Variants in RGL1 observed in about 807,000 individuals in gnomAD.
RGL1 encodes the protein ral guanine nucleotide dissociation stimulator-like 1.
Under a neutral mutation model 95.2 loss-of-function variants are expected in RGL1, and 24 were observed. That is an observed-to-expected ratio of 0.25 (90% CI 0.18 to 0.35). RGL1 has a LOEUF of 0.35. RGL1 is among the 10% of genes least tolerant of loss of function. The pLI, the probability that RGL1 is intolerant of heterozygous loss-of-function variation, is 1.00. For missense variants in RGL1, 715 were observed against 936.3 expected (o/e 0.76, Z 3.08); for synonymous variants, 329 against 344.9 (o/e 0.95, Z 0.51).
chr1:183,740,214 G>A (rs1299197939), intron 1 of RGL1, among the ~76,000 whole-genome samples: 1 of 151,840 alleles, frequency 6.6e-6, no homozygotes, highest in East Asian at 1.9e-4. Context: ...ATTTCCTTGC[G>A]TGTATGTGTC....
At chr1:183,647,653 G>C (rs200723999) in intron 1 of RGL1, 2 of 1,559,428 alleles carry the variant, frequency 1.3e-6, no homozygotes, top group East Asian at 4.5e-5. Flanking sequence ...TTGGTAATTG[G>C]TTTCATGCTG....
intron 2 of RGL1, among the ~76,000 whole-genome samples, chr1:183,776,302 C>G (rs1433379420): frequency 6.6e-6 from 1 of 151,474 alleles, no homozygotes; most frequent in Non-Finnish European, 1.5e-5. Context: ...GCGCCCGCTA[C>G]CACGCCCGGC....
intron 2 of RGL1, among the ~76,000 whole-genome samples, chr1:183,776,916 G>T (rs1307934748): frequency 6.6e-6 from 1 of 152,202 alleles, no homozygotes; most frequent in Admixed American, 6.5e-5. Context: ...TTCAGTGCTT[G>T]AAGTCTGATG....
At chr1:183,828,379 G>C (rs1663019891) in intron 2 of RGL1, among the ~76,000 whole-genome samples, 1 of 152,278 alleles carries the variant, frequency 6.6e-6, no homozygotes, top group African/African-American at 2.4e-5. Flanking sequence ...CTGAGTTTGT[G>C]ATTTATTTAC....
At chr1:183,883,193 G>T (rs1553301352) in intron 5 of RGL1, among the ~76,000 whole-genome samples, 1 of 152,188 alleles carries the variant, frequency 6.6e-6, no homozygotes, top group Non-Finnish European at 1.5e-5. Context: ...GCTAATTGAT[G>T]ATCTTGGCTG....
intron 2 of RGL1, among the ~76,000 whole-genome samples, chr1:183,821,068 G>A (rs1253927925): frequency 6.6e-6 from 1 of 152,118 alleles, no homozygotes; most frequent in Non-Finnish European, 1.5e-5. Context: ...AAGAGGCAGA[G>A]GTTGCAGTGA....
intron 6 of RGL1, among the ~76,000 whole-genome samples, chr1:183,884,368 A>C (rs550590396): frequency 2.6e-5 from 4 of 152,168 alleles, no homozygotes; most frequent in African/African-American, 4.8e-5. Flanking sequence ...TGAAGTTTGA[A>C]TATTTTTGTG....
intron 1 of RGL1, among the ~76,000 whole-genome samples, chr1:183,638,734 C>T (rs905100171): frequency 3.3e-5 from 5 of 152,044 alleles, no homozygotes; most frequent in Non-Finnish European, 5.9e-5. Context: ...GGTTTTAAGA[C>T]ATTTTACTTG....
At chr1:183,896,017 T>C (rs1667678420) in intron 9 of RGL1, among the ~76,000 whole-genome samples, 1 of 152,206 alleles carries the variant, frequency 6.6e-6, no homozygotes, top group Non-Finnish European at 1.5e-5. Context: ...TTAGGAATTT[T>C]AGCCATGTCT....
chr1:183,806,273 G>A, intron 1 of RGL1, 102 bp from the exon 2 acceptor site: 1 of 764,206 alleles, frequency 1.3e-6, no homozygotes, highest in Non-Finnish European at 2.2e-6. Flanking sequence ...CCCATCTTGT[G>A]CCCTGAGTGC....
At chr1:183,825,331 TA>T (rs763919690) in intron 2 of RGL1, among the ~76,000 whole-genome samples, 5 of 152,126 alleles carry the variant, frequency 3.3e-5, no homozygotes, top group African/African-American at 4.8e-5. Flanking sequence ...AAATGGAAAA[TA>T]AAAGAGTATT....
At chr1:183,731,986 G>A (rs567931172) in intron 1 of RGL1, among the ~76,000 whole-genome samples, 39 of 152,168 alleles carry the variant, frequency 2.6e-4, no homozygotes, top group African/African-American at 8.9e-4. Flanking sequence ...TACACACCTC[G>A]CACAATAATT....
chr1:183,838,420 ATTGT>A (rs1663814015), intron 2 of RGL1, among the ~76,000 whole-genome samples: 1 of 152,146 alleles, frequency 6.6e-6, no homozygotes, highest in Non-Finnish European at 1.5e-5. Context: ...AACACTAGCT[ATTGT>A]TTGTTATTAC....
At chr1:183,895,896 G>A (rs562285289) in intron 9 of RGL1, among the ~76,000 whole-genome samples, 8 of 152,290 alleles carry the variant, frequency 5.3e-5, no homozygotes, top group South Asian at 4.1e-4. Context: ...CATCTCAGGC[G>A]TTTCTCTCTC....
intron 2 of RGL1, among the ~76,000 whole-genome samples, chr1:183,788,573 C>T (rs1177861610): frequency 6.6e-6 from 1 of 152,132 alleles, no homozygotes; most frequent in African/African-American, 2.4e-5. Context: ...ACTTTAGATC[C>T]AGGAGCAGTA....
intron 4 of RGL1, among the ~76,000 whole-genome samples, chr1:183,870,099 T>C (rs1666077160): frequency 6.6e-6 from 1 of 152,138 alleles, no homozygotes; most frequent in Non-Finnish European, 1.5e-5. Flanking sequence ...CACAAAGCGG[T>C]GTGGAGCAAC....
At position 183,927,414 on chromosome 1, in the gene RGL1, C is replaced by G. The variant is rs182505850; in HGVS notation, c.*1122C>G. 3.2e-4 allele frequency: 49 copies of G among 152,416 alleles called. No homozygotes were observed. The allele number at this position is 152,416 out of a possible 1,614,324, so 9.4% of individuals were successfully genotyped here. A position where few individuals can be genotyped will look rare whatever the true frequency, so the allele number is the denominator to read the frequency against. ...CGTTAATAGCCCCTCAGAAGATGTT[C>G]CCTGCTGATAACAGCATCCTATTTT... is the stretch of plus-strand genomic sequence containing the variant. On this transcript the variant is annotated 3_prime_UTR_variant, in exon 18 of 18. Coordinates refer to ENST00000360851, the MANE Select transcript of RGL1 (RefSeq NM_001297671.3).
intron 1 of RGL1, among the ~76,000 whole-genome samples, chr1:183,688,989 T>A (rs1222269077): frequency 6.6e-6 from 1 of 152,106 alleles, no homozygotes; most frequent in Non-Finnish European, 1.5e-5. Flanking sequence ...ATTGAATAAA[T>A]AACTTTACAG....
chr1:183,679,556 T>A (rs566821305), intron 1 of RGL1, among the ~76,000 whole-genome samples: 1 of 148,096 alleles, frequency 6.8e-6, no homozygotes, highest in Admixed American at 6.6e-5. Flanking sequence ...CATCCTTTTT[T>A]ATGGCTGCAT....
Sources: gnomAD v4.1 joint callset for allele counts (sites outside exome capture counted in the v4.1 genomes callset) on GRCh38, gnomAD v4.1.1 for gene constraint, MANE v1.5 for transcripts, NCBI Gene and HGNC (gene_info 2026-07-23, HGNC 2026-07-21) for gene names.